ADAM32: variants seen among roughly 807,000 people sequenced by gnomAD.
ADAM32 encodes disintegrin and metalloproteinase domain-containing protein 32.
ADAM32 carries 89 observed loss-of-function variants against 114.9 expected under a neutral mutation model. That is an observed-to-expected ratio of 0.77 (90% CI 0.65 to 0.92). ADAM32 has a LOEUF of 0.92. ADAM32 is among the 40% of genes least tolerant of loss of function. The pLI, the probability that ADAM32 is intolerant of heterozygous loss-of-function variation, is 0.00. For synonymous variants in ADAM32, 285 were observed against 307.5 expected, an observed-to-expected ratio of 0.93 and a Z score of 0.77; for missense variants, 870 against 932.8, an observed-to-expected ratio of 0.93 and a Z score of 0.88.
In ADAM32 at chr8:39,181,298, C is replaced by T. The variant is rs147072441; in HGVS notation, c.916-5611C>T. Among the ~76,000 whole-genome samples, 43 of 152,270 alleles carry T rather than the reference C, an allele frequency of 2.8e-4. No homozygotes were observed. The East Asian group carries it at 4.6e-3, about 16-fold the overall frequency. On this transcript the variant is annotated intron_variant, in intron 10 of 24. Coordinates refer to ENST00000379907, the MANE Select transcript of ADAM32 (RefSeq NM_145004.7). ...GAGCCCATGAGCCCACCAGGAGGAA[C>T]GAACAACTCCAGACGTGCCGTCTTA...
At chr8:39,118,822 C>T (rs761219606) in intron 2 of ADAM32, among the ~76,000 whole-genome samples, 2 of 152,142 alleles carry the variant, frequency 1.3e-5, no homozygotes, top group Non-Finnish European at 2.9e-5. Context: ...ATTATTACAG[C>T]AGTACATAAA....
At chr8:39,211,390 G>C (rs1808206697) in intron 12 of ADAM32, 66 bp downstream of exon 12, 1 of 1,359,516 alleles carries the variant, frequency 7.4e-7, no homozygotes, top group Non-Finnish European at 9.6e-7. Flanking sequence ...TTTCATAAAT[G>C]TCATATATCT....
intron 3 of ADAM32, among the ~76,000 whole-genome samples, chr8:39,139,392 T>G (rs1466892897): frequency 6.6e-6 from 1 of 152,244 alleles, no homozygotes; most frequent in Non-Finnish European, 1.5e-5. Context: ...TTTCTATATA[T>G]GGCTAGCCAG....
intron 17 of ADAM32, among the ~76,000 whole-genome samples, chr8:39,248,957 C>T (rs1422706915): frequency 6.7e-6 from 1 of 148,300 alleles, no homozygotes; most frequent in Non-Finnish European, 1.5e-5. Context: ...GGCTGGAGTG[C>T]AGTGGCATAA....
intron 1 of ADAM32, among the ~76,000 whole-genome samples, chr8:39,111,047 C>G (rs1433167218): frequency 6.6e-6 from 1 of 152,160 alleles, no homozygotes; most frequent in East Asian, 1.9e-4. Flanking sequence ...TTTCAAGGTT[C>G]GTCTCTGTTG....
At chr8:39,237,980 A>G (rs1043678536) in intron 16 of ADAM32, among the ~76,000 whole-genome samples, 2 of 152,226 alleles carry the variant, frequency 1.3e-5, no homozygotes, top group Admixed American at 1.3e-4. Context: ...AACTCAAGCC[A>G]TTACAGCAGT....
chr8:39,126,910 G>A (rs1041520758), intron 2 of ADAM32, among the ~76,000 whole-genome samples: 4 of 152,122 alleles, frequency 2.6e-5, no homozygotes, highest in African/African-American at 9.7e-5. Context: ...GGCCTTTTCT[G>A]CATCTATTGA....
Position 39,234,075 on chromosome 8 carries a change from T to A in ADAM32, c.1811T>A (p.Ile604Asn), listed in dbSNP as rs1241069855. Residue 604 changes from isoleucine (I) to asparagine (N), a missense_variant, in exon 16 of 25, where the codon ATT (isoleucine) becomes AAT (asparagine). Physicochemically the swap from Ile to Asn is moderately radical, Grantham distance 149 (BLOSUM62 -3). Coordinates refer to ENST00000379907, the MANE Select transcript of ADAM32 (RefSeq NM_145004.7). ...GTCAAAAATGGCTCTCAGTGTGATA[T>A]TGGGAGGGTAAATAATTTAAAATCT... ...LAVKNGSQCDIGRVCVNRECV... is the reference protein window; with the variant it reads ...LAVKNGSQCDNGRVCVNRECV... 1.4e-6 allele frequency: 2 copies of A among 1,391,204 alleles called. No individual in the cohort carries two copies. The highest frequency in any genetic ancestry group is 1.9e-6 in the Non-Finnish European group (2 of 1,065,552). 86.2% of individuals were successfully genotyped at this position (1,391,204 alleles called of 1,614,324 possible).
chr8:39,178,862 A>C (rs968615888), intron 10 of ADAM32, among the ~76,000 whole-genome samples: 2 of 152,168 alleles, frequency 1.3e-5, no homozygotes, highest in African/African-American at 4.8e-5. Flanking sequence ...AGGTATCACC[A>C]GTGAAGGCTA....
intron 12 of ADAM32, among the ~76,000 whole-genome samples, chr8:39,216,509 GTTTCCTTCATCTTCCTC>G (rs1808578400): frequency 6.8e-6 from 1 of 146,342 alleles, no homozygotes; most frequent in African/African-American, 2.5e-5. Context: ...TTCCCTTTCT[GTTTCCTTCATCTTCCTC>G]TTTCCTTCAT....
intron 2 of ADAM32, among the ~76,000 whole-genome samples, chr8:39,128,710 G>A (rs79835039): frequency 0.048 from 7,247 of 152,164 alleles, 243 homozygotes; most frequent in South Asian, 0.066. Flanking sequence ...GATAGGCCTG[G>A]TGGTGATGAT....
At chr8:39,179,053 C>A (rs1419726786) in intron 10 of ADAM32, among the ~76,000 whole-genome samples, 1 of 152,186 alleles carries the variant, frequency 6.6e-6, no homozygotes, top group Non-Finnish European at 1.5e-5. Context: ...CTTCACAGAG[C>A]AGATGTGCTG....
chr8:39,230,352 G>T (rs935221352), intron 14 of ADAM32, among the ~76,000 whole-genome samples: 1 of 152,164 alleles, frequency 6.6e-6, no homozygotes, highest in Non-Finnish European at 1.5e-5. Context: ...GGGAGAGAGC[G>T]TTTAAGGGAG....
At chr8:39,137,595 C>A (rs914917426) in intron 3 of ADAM32, among the ~76,000 whole-genome samples, 2 of 151,914 alleles carry the variant, frequency 1.3e-5, no homozygotes, top group Admixed American at 6.6e-5. Context: ...CATGGTGAAA[C>A]CCTGTCTCTA....
chr8:39,179,972 C>G (rs1489838475), intron 10 of ADAM32, among the ~76,000 whole-genome samples: 2 of 152,248 alleles, frequency 1.3e-5, no homozygotes, highest in African/African-American at 4.8e-5. Context: ...AGAGCCCTCG[C>G]TTGCTCTCGG....
intron 2 of ADAM32, among the ~76,000 whole-genome samples, chr8:39,133,538 T>C (rs953914682): frequency 3.3e-5 from 5 of 152,078 alleles, no homozygotes; most frequent in South Asian, 2.1e-4. Flanking sequence ...CCCTGGGCAG[T>C]GTGTGACACC....
chr8:39,146,139 G>A (rs1341320364), intron 3 of ADAM32, among the ~76,000 whole-genome samples: 1 of 152,178 alleles, frequency 6.6e-6, no homozygotes. Flanking sequence ...TCCAACAGAA[G>A]CTAGTGTGAG....
At chr8:39,280,338 C>T (rs1227981908) in intron 22 of ADAM32, among the ~76,000 whole-genome samples, 8 of 152,014 alleles carry the variant, frequency 5.3e-5, no homozygotes, top group Non-Finnish European at 1.2e-4. Context: ...GTTATGCATA[C>T]GTTTTTTGTT....
rs376349662 is a variant in ADAM32 at position 39,135,153 on chromosome 8, C to T, written c.139-1504C>T. Among the ~76,000 whole-genome samples the T allele has an allele frequency of 1.7e-4, 26 of 152,106 alleles. No homozygotes were observed. In the East Asian group the frequency reaches 2.9e-3, roughly 17 times the overall value. On this transcript the variant is annotated intron_variant, in intron 2 of 24. Coordinates refer to ENST00000379907, the MANE Select transcript of ADAM32 (RefSeq NM_145004.7). ...CTGAGCAACAAGAGCGAAACTCTGT[C>T]GCAAGAAAAAAACAAAAACAAAAAA...
Sources: allele counts gnomAD v4.1 joint callset (sites outside exome capture counted in the v4.1 genomes callset), GRCh38; gene constraint gnomAD v4.1.1; transcripts MANE v1.5; gene names NCBI Gene and HGNC (gene_info 2026-07-23, HGNC 2026-07-21).